RBFOX3: variants seen among roughly 807,000 people sequenced by gnomAD.
RBFOX3 encodes RNA binding fox-1 homolog 3, also known as RNA binding protein fox-1 homolog 3.
A neutral mutation model predicts 48.7 loss-of-function variants in RBFOX3; 17 were observed. That is an observed-to-expected ratio of 0.35 (90% CI 0.24 to 0.52). The LOEUF (loss-of-function observed/expected upper bound fraction) is 0.52. RBFOX3 is among the 20% of genes least tolerant of loss of function. RBFOX3 has a pLI of 0.94. For synonymous variants in RBFOX3, 212 were observed against 209.5 expected, an observed-to-expected ratio of 1.01 and a Z score of -0.10; for missense variants, 382 against 497.5, an observed-to-expected ratio of 0.77 and a Z score of 2.21.
chr17:79,102,847 C>A (rs1166208025), intron 8 of RBFOX3, among the ~76,000 whole-genome samples: 39 of 152,336 alleles, frequency 2.6e-4, no homozygotes. Context: ...GGCCATGGTC[C>A]TTGAAGCTGC....
At chr17:79,253,396 T>G in intron 3 of RBFOX3, among the ~76,000 whole-genome samples, 1 of 152,224 alleles carries the variant, frequency 6.6e-6, no homozygotes, top group Admixed American at 6.5e-5. Flanking sequence ...CTCTTCTGTA[T>G]CTATTTATAT....
intron 4 of RBFOX3, chr17:79,234,750 T>TTTTTTA (rs2061441031): frequency 1.2e-5 from 1 of 86,948 alleles, no homozygotes; most frequent in African/African-American, 3.4e-5. Context: ...TTTTTTTTTT[T>TTTTTTA]GAGATGGAGT....
intron 1 of RBFOX3, among the ~76,000 whole-genome samples, chr17:79,569,872 TATGG>T (rs1190356074): frequency 6.6e-6 from 1 of 151,778 alleles, no homozygotes; most frequent in Non-Finnish European, 1.5e-5. Context: ...ACAGATGGAT[TATGG>T]ATGGATGGAT....
At chr17:79,368,026 G>C (rs555661533) in intron 2 of RBFOX3, among the ~76,000 whole-genome samples, 12 of 152,334 alleles carry the variant, frequency 7.9e-5, no homozygotes, top group African/African-American at 2.6e-4. Flanking sequence ...GAGATTCTCA[G>C]CACATGGCAA....
intron 14 of RBFOX3, chr17:79,091,937 C>T (rs996854111): frequency 2.0e-5 from 20 of 984,126 alleles, no homozygotes; most frequent in Non-Finnish European, 2.3e-5. Context: ...GTGACTACGT[C>T]GGCAAGAAAT....
At chr17:79,499,120 CCATCCATCCACCCACCCATCCATTCACT>C (rs1352986632) in intron 1 of RBFOX3, among the ~76,000 whole-genome samples, 62 of 151,866 alleles carry the variant, frequency 4.1e-4, no homozygotes, top group African/African-American at 1.5e-3. Flanking sequence ...ACTTATCCAT[CCATCCATCCACCCACCCATCCATTCACT>C]CATCCACCCA....
chr17:79,518,386 G>A (rs949369882), intron 1 of RBFOX3, among the ~76,000 whole-genome samples: 11 of 152,176 alleles, frequency 7.2e-5, no homozygotes, highest in Admixed American at 2.0e-4. Context: ...GCGGGCAGGC[G>A]GGGATGGGGG....
intron 4 of RBFOX3, among the ~76,000 whole-genome samples, chr17:79,164,636 G>A (rs1159983250): frequency 6.6e-6 from 1 of 152,230 alleles, no homozygotes; most frequent in Non-Finnish European, 1.5e-5. Context: ...CAAAACAAAA[G>A]TGCACGCATT....
intron 4 of RBFOX3, among the ~76,000 whole-genome samples, chr17:79,152,391 G>A (rs952711128): frequency 6.8e-6 from 1 of 146,214 alleles, no homozygotes; most frequent in Non-Finnish European, 1.5e-5. Flanking sequence ...CCGAGGCCCA[G>A]AGAGTCATAG....
At chr17:79,412,679 A>G (rs2064636131) in intron 2 of RBFOX3, among the ~76,000 whole-genome samples, 1 of 150,632 alleles carries the variant, frequency 6.6e-6, no homozygotes, top group African/African-American at 2.5e-5. Flanking sequence ...TGTATGGTAT[A>G]TGTGTATATG....
At chr17:79,665,348 A>G in the RBFOX3 span, among the ~76,000 whole-genome samples, 1 of 150,476 alleles carries the variant, frequency 6.6e-6, no homozygotes, top group South Asian at 2.1e-4. Context: ...AGATGGGGCC[A>G]GAGCTGCACG....
At chr17:79,316,965 C>G (rs1193084752) in intron 2 of RBFOX3, among the ~76,000 whole-genome samples, 1 of 152,234 alleles carries the variant, frequency 6.6e-6, no homozygotes, top group African/African-American at 2.4e-5. Flanking sequence ...ACAAGATATG[C>G]ACACTCACCC....
At position 79,482,171 on chromosome 17, in the gene RBFOX3, C is replaced by T. The variant is rs2078872667; in HGVS notation, c.-175+283G>A. On this transcript the variant is annotated intron_variant, in intron 2 of 14. Transcript: ENST00000693108. This position sits in a 1 kb window ranked among gnomAD's most constrained non-coding sequence, Gnocchi z 4.1. ...CAGACAGTGGACCCCACACCCCGCC[C>T]ACCCTCCTTCCAGGACTAACTGCCC... Among the ~76,000 whole-genome samples, 1 of 152,142 alleles carries T rather than the reference C, an allele frequency of 6.6e-6. No individual in the cohort carries two copies. The highest frequency in any genetic ancestry group is 6.5e-5 in the Admixed American group (1 of 15,280).
chr17:79,325,185 C>G (rs1050641674), intron 2 of RBFOX3, among the ~76,000 whole-genome samples: 1 of 152,216 alleles, frequency 6.6e-6, no homozygotes. Flanking sequence ...GAAACTGAGC[C>G]AAAGGACAAA....
At chr17:79,634,768 C>T in the RBFOX3 span, among the ~76,000 whole-genome samples, 1 of 151,994 alleles carries the variant, frequency 6.6e-6, no homozygotes, top group African/African-American at 2.4e-5. Flanking sequence ...TCCATTTCCT[C>T]AATTATAAAA....
At chr17:79,430,600 C>T (rs2068255134) in intron 2 of RBFOX3, among the ~76,000 whole-genome samples, 1 of 152,218 alleles carries the variant, frequency 6.6e-6, no homozygotes, top group African/African-American at 2.4e-5. Flanking sequence ...AGGTGGAGTA[C>T]AGTGGCGCCA....
intron 2 of RBFOX3, among the ~76,000 whole-genome samples, chr17:79,437,260 C>T (rs1428742576): frequency 2.6e-5 from 4 of 152,214 alleles, no homozygotes; most frequent in Admixed American, 6.5e-5. Context: ...CCACTGCTGC[C>T]GGCTGGCCCT....
intron 4 of RBFOX3, among the ~76,000 whole-genome samples, chr17:79,175,777 G>A (rs2050395636): frequency 6.6e-6 from 1 of 152,250 alleles, no homozygotes; most frequent in Non-Finnish European, 1.5e-5. Context: ...CTGGATTGGT[G>A]GTGGGCAGCA....
intron 3 of RBFOX3, among the ~76,000 whole-genome samples, chr17:79,291,375 T>A (rs887951066): frequency 5.9e-5 from 9 of 152,162 alleles, no homozygotes; most frequent in Non-Finnish European, 8.8e-5. Context: ...GTGTGAGAGA[T>A]AAGAAAGTTG....
Sources: gnomAD v4.1 joint callset for allele counts (sites outside exome capture counted in the v4.1 genomes callset) on GRCh38, gnomAD v4.1.1 for gene constraint, Gnocchi (gnomAD v3.1) non-coding constraint, MANE v1.5 for transcripts, NCBI Gene and HGNC (gene_info 2026-07-23, HGNC 2026-07-21) for gene names.